GALK1: variants seen among roughly 807,000 people sequenced by gnomAD.
GALK1 encodes galactokinase.
In GALK1, 30 loss-of-function variants were observed where a neutral mutation model predicts 38.6. That is an observed-to-expected ratio of 0.78 (90% CI 0.58 to 1.05). GALK1 has a LOEUF of 1.05. Ranked by LOEUF, GALK1 falls within the 50% of genes least tolerant of loss-of-function variation. GALK1 has a pLI of 0.00. For missense variants in GALK1, 512 were observed against 540.5 expected, an observed-to-expected ratio of 0.95 and a Z score of 0.52; for synonymous variants, 240 against 233.6, an observed-to-expected ratio of 1.03 and a Z score of -0.25.
At chr17:75,753,507 G>A (rs1471612453), downstream of GALK1, among the ~76,000 whole-genome samples, 1 of 152,188 alleles carries the variant, frequency 6.6e-6, no homozygotes, top group Non-Finnish European at 1.5e-5. Context: ...GGTTTCTGGC[G>A]GGTCCGGGGG....
downstream of GALK1, among the ~76,000 whole-genome samples, chr17:75,756,175 G>A (rs74633520): frequency 2.2e-4 from 34 of 152,280 alleles, no homozygotes; most frequent in East Asian, 5.6e-3. Context: ...CACTTCCCTG[G>A]GCAGGCACAT....
downstream of GALK1, chr17:75,753,905 C>A: frequency 7.7e-7 from 1 of 1,292,870 alleles, no homozygotes; most frequent in Non-Finnish European, 9.7e-7. Flanking sequence ...CCACGGGCCC[C>A]CGGACGACGG....
chr17:75,756,871 C>T, downstream of GALK1: 1 of 1,612,298 alleles, frequency 6.2e-7, no homozygotes, highest in Non-Finnish European at 8.5e-7. Flanking sequence ...TGCTGCCCAC[C>T]CCGGGGGCAG....
At position 75,764,971 on chromosome 17, in the gene GALK1, C is replaced by G. The variant is rs756377738; in HGVS notation, c.165+1G>C. ...TAGGGGCTCCCCGTGCAGCCCCTCA[C>G]CATAGGCAGCACCAGGCCCTGGTTG... On this transcript the variant is annotated splice_donor_variant, in intron 1 of 7. Coordinates refer to ENST00000588479, the MANE Select transcript of GALK1 (RefSeq NM_000154.2). LOFTEE classifies it high-confidence loss of function. The G allele has an allele frequency of 6.2e-7, 1 of 1,607,446 alleles. No homozygotes were observed. Among genetic ancestry groups the G allele is most frequent in the Non-Finnish European group, 8.5e-7 (1 of 1,177,648 alleles).
At chr17:75,764,109 C>T (rs200897577) in intron 1 of GALK1, 23 bp from the exon 2 acceptor site, 3 of 1,558,482 alleles carry the variant, frequency 1.9e-6, no homozygotes, top group South Asian at 2.3e-5. Context: ...ACAAGCAGTA[C>T]GTGAGGCTTC....
In GALK1 at chr17:75,752,264, G is replaced by A. The variant is rs200586694; in HGVS notation, c.*23-527C>T. ...AACCTTCGGGAGTCCCAGCCCTACCGCTACACGGTGAAGGCGCGCAACGGG... is the reference window on the plus strand; with the variant it reads ...AACCTTCGGGAGTCCCAGCCCTACCACTACACGGTGAAGGCGCGCAACGGG... On this transcript the variant is annotated intron_variant, in intron 8 of 8. Coordinates refer to the GALK1 transcript ENST00000225614. 8 of 1,613,500 alleles carry A rather than the reference G, an allele frequency of 5.0e-6. No individual in the cohort carries two copies. Among genetic ancestry groups the A allele is most frequent in the East Asian group, 2.2e-5 (1 of 44,890 alleles).
At chr17:75,761,975 G>A (rs190617810) in intron 5 of GALK1, among the ~76,000 whole-genome samples, 5 of 152,082 alleles carry the variant, frequency 3.3e-5, no homozygotes, top group African/African-American at 1.2e-4. Flanking sequence ...AGCTGAGATC[G>A]CACCATTGCA....
chr17:75,764,190 G>GAGTAAGCCTCTCCAATGACACTGCC, intron 1 of GALK1, 104 bp from the exon 2 acceptor site: 1 of 1,083,092 alleles, frequency 9.2e-7, no homozygotes, highest in Non-Finnish European at 1.4e-6. Flanking sequence ...CAGTCATCAG[G>GAGTAAGCCTCTCCAATGACACTGCC]TTCTGAACCT....
downstream of GALK1, chr17:75,757,209 C>T (rs368445689): frequency 5.4e-5 from 87 of 1,611,898 alleles, no homozygotes; most frequent in Non-Finnish European, 6.4e-5. Context: ...GGACCCTTCC[C>T]GCAGCTGGGC....
chr17:75,754,033 G>C, downstream of GALK1: 1 of 819,732 alleles, frequency 1.2e-6, no homozygotes, highest in East Asian at 3.5e-5. Context: ...TCGCGCCTGA[G>C]GGCCTGGGGT....
chr17:75,757,704 G>A, downstream of GALK1: 1 of 1,123,376 alleles, frequency 8.9e-7, no homozygotes, highest in Non-Finnish European at 1.3e-6. Flanking sequence ...TGGGAGGCAT[G>A]AAGGGGGCAA....
intron 3 of GALK1, 56 bp from the exon 4 acceptor site, chr17:75,763,205 A>AATG (rs774392909): frequency 2.5e-6 from 4 of 1,609,832 alleles, no homozygotes; most frequent in Non-Finnish European, 3.4e-6. Flanking sequence ...CAGTGGCTTC[A>AATG]ATGACACTCC....
At chr17:75,755,855 G>A (rs2061486620), downstream of GALK1, 2 of 1,601,668 alleles carry the variant, frequency 1.2e-6, no homozygotes, top group Non-Finnish European at 1.7e-6. Context: ...ACGGCGGTGA[G>A]GCATGGTGGC....
At chr17:75,761,316 T>C (rs1174082197) in intron 5 of GALK1, among the ~76,000 whole-genome samples, 1 of 151,970 alleles carries the variant, frequency 6.6e-6, no homozygotes, top group Admixed American at 6.6e-5. Flanking sequence ...TAAAATATTG[T>C]GGAGCTTTAA....
downstream of GALK1, chr17:75,757,613 G>A (rs569617597): frequency 1.7e-4 from 269 of 1,607,266 alleles, no homozygotes; most frequent in East Asian, 9.4e-4. Context: ...CTCCTCTCCC[G>A]GAGCCTCCTC....
At chr17:75,755,712 A>C, downstream of GALK1, 1 of 1,612,684 alleles carries the variant, frequency 6.2e-7, no homozygotes, top group African/African-American at 1.3e-5. Flanking sequence ...CTCTCGCCTG[A>C]CTGCTGGTGT....
downstream of GALK1, chr17:75,754,838 GC>G: frequency 6.2e-7 from 1 of 1,613,958 alleles, no homozygotes; most frequent in Non-Finnish European, 8.5e-7. Context: ...AGCCAACCCT[GC>G]CTCTCCCACT....
Position 75,758,353 on chromosome 17 carries a change from A to C in GALK1, c.964T>G (p.Cys322Gly). 6.3e-7 allele frequency: 1 copy of C among 1,593,988 alleles called. No individual in the cohort carries two copies. Among genetic ancestry groups the C allele is most frequent in the South Asian group, 1.1e-5 (1 of 88,358 alleles). ...RSLRDDYEVS[C>G]PELDQLVEAA... is the part of the protein sequence containing the mutation. ...TCCACCAGCTGGTCCAGCTCTGGGC[A>C]GCTCACCTCATAGTCGTCTCTGCAG... Residue 322 changes from cysteine to glycine, a missense_variant, in exon 7 of 8, where the codon TGC becomes GGC. Physicochemically the swap from Cys to Gly is radical, Grantham distance 159 (BLOSUM62 -3). Transcript: ENST00000588479.
chr17:75,755,407 CGGGGCT>C (rs1216877759), downstream of GALK1, among the ~76,000 whole-genome samples: 1 of 152,086 alleles, frequency 6.6e-6, no homozygotes, highest in Non-Finnish European at 1.5e-5. Flanking sequence ...TCCCAGGGGG[CGGGGCT>C]GGGGCTGGGG....
Sources: allele counts gnomAD v4.1 joint callset (sites outside exome capture counted in the v4.1 genomes callset), GRCh38; gene constraint gnomAD v4.1.1; transcripts MANE v1.5; gene names NCBI Gene and HGNC (gene_info 2026-07-23, HGNC 2026-07-21).